HERC3: variants seen among roughly 807,000 people sequenced by gnomAD.
HERC3 encodes probable E3 ubiquitin-protein ligase HERC3.
Under a neutral mutation model 129.9 loss-of-function variants are expected in HERC3, and 58 were observed. That is an observed-to-expected ratio of 0.45 (90% CI 0.36 to 0.56). The LOEUF (loss-of-function observed/expected upper bound fraction) is 0.56, where lower values mean the gene tolerates loss of function less well. HERC3 is among the 20% of genes least tolerant of loss of function. HERC3 has a pLI of 0.00. For synonymous variants in HERC3, 430 were observed against 451.0 expected (o/e 0.95, Z 0.59); for missense variants, 835 against 1,244.2 (o/e 0.67, Z 4.95).
At position 88,689,311 on chromosome 4, in the gene HERC3, C is replaced by T. The variant is rs1233499185; in HGVS notation, c.2657+2012C>T. Among the ~76,000 whole-genome samples the T allele has an allele frequency of 6.1e-5, 9 of 147,886 alleles. No individual in the cohort carries two copies. The South Asian group carries it at 1.1e-3, about 18-fold the overall frequency. ...CTTGAGCTCAGAAGTTCAAGACCAG[C>T]GTGGGCAAGATAGCAAAACCAAGTC... On this transcript the variant is annotated intron_variant, in intron 23 of 25. Coordinates refer to ENST00000402738, the MANE Select transcript of HERC3 (RefSeq NM_014606.3).
chr4:88,588,791 GAAGTGAATGGTAACT>G (rs2149157667), upstream of HERC3, among the ~76,000 whole-genome samples: 1 of 152,362 alleles, frequency 6.6e-6, no homozygotes, highest in South Asian at 2.1e-4. Flanking sequence ...TGTATTTTAA[GAAGTGAATGGTAACT>G]AATGGAGGAA....
the HERC3 span, among the ~76,000 whole-genome samples, chr4:88,534,628 G>A: frequency 2.0e-5 from 3 of 151,946 alleles, no homozygotes; most frequent in African/African-American, 7.3e-5. Context: ...TGAAAGTTAT[G>A]AATGGAATTT....
At chr4:88,544,685 A>G in the HERC3 span, among the ~76,000 whole-genome samples, 1 of 152,376 alleles carries the variant, frequency 6.6e-6, no homozygotes. Context: ...TCCATCAATG[A>G]TAGACTGGAT....
intron 16 of HERC3, among the ~76,000 whole-genome samples, chr4:88,674,214 G>A (rs1731914785): frequency 1.3e-5 from 2 of 152,204 alleles, no homozygotes; most frequent in South Asian, 2.1e-4. Context: ...AGGGGTGCAG[G>A]GAGGCTCAAG....
chr4:88,613,449 A>G (rs1008970447), intron 3 of HERC3, among the ~76,000 whole-genome samples: 5 of 152,184 alleles, frequency 3.3e-5, no homozygotes, highest in South Asian at 4.1e-4. Flanking sequence ...CTGCTGTTTG[A>G]TAAATGAGGT....
chr4:88,675,514 A>G (rs1732065268), intron 16 of HERC3, among the ~76,000 whole-genome samples: 1 of 151,916 alleles, frequency 6.6e-6, no homozygotes, highest in African/African-American at 2.4e-5. Context: ...TTGATTTTTT[A>G]TTGTTTCTAT....
chr4:88,532,974 C>G, the HERC3 span, among the ~76,000 whole-genome samples: 9 of 152,312 alleles, frequency 5.9e-5, no homozygotes, highest in East Asian at 1.7e-3. Flanking sequence ...CTCACACGGT[C>G]ACCAGGTGAA....
chr4:88,651,596 C>T (rs1472365843), intron 4 of HERC3, among the ~76,000 whole-genome samples: 1 of 152,190 alleles, frequency 6.6e-6, no homozygotes, highest in Non-Finnish European at 1.5e-5. Flanking sequence ...CTCAAGGGTA[C>T]AATTTCTCTA....
chr4:88,631,202 C>T (rs893130879), intron 3 of HERC3, among the ~76,000 whole-genome samples: 10 of 152,188 alleles, frequency 6.6e-5, no homozygotes, highest in Admixed American at 1.3e-4. Flanking sequence ...TCACAATAAT[C>T]CCAGCACTTT....
At chr4:88,541,638 T>C in the HERC3 span, among the ~76,000 whole-genome samples, 39 of 152,328 alleles carry the variant, frequency 2.6e-4, 1 homozygote, top group South Asian at 7.9e-3. Flanking sequence ...GTCAACAGAA[T>C]ATACATTCTT....
the HERC3 span, among the ~76,000 whole-genome samples, chr4:88,560,539 A>G: frequency 6.6e-6 from 1 of 151,910 alleles, no homozygotes; most frequent in South Asian, 2.1e-4. Flanking sequence ...ATAGGCTTCT[A>G]TTTCTTTTTC....
the HERC3 span, among the ~76,000 whole-genome samples, chr4:88,586,583 T>C: frequency 2.6e-5 from 4 of 152,228 alleles, no homozygotes; most frequent in African/African-American, 7.2e-5. Context: ...GGTCTCGAAC[T>C]CCCAACCTCA....
chr4:88,681,371 C>T, intron 21 of HERC3, 46 bp downstream of exon 21: 4 of 1,529,584 alleles, frequency 2.6e-6, no homozygotes, highest in Non-Finnish European at 3.6e-6. Flanking sequence ...TTGTGGCTGC[C>T]TCTGGCATGA....
chr4:88,662,313 C>A, intron 10 of HERC3, 118 bp from the exon 11 acceptor site: 1 of 1,000,614 alleles, frequency 1.0e-6, no homozygotes, highest in Non-Finnish European at 1.5e-6. Flanking sequence ...CTGGGCGGCA[C>A]ACTGCAGCAT....
chr4:88,665,209 G>C (rs1730920333), intron 12 of HERC3, among the ~76,000 whole-genome samples: 1 of 152,148 alleles, frequency 6.6e-6, no homozygotes, highest in Non-Finnish European at 1.5e-5. Context: ...TACGGGAATT[G>C]GTTCACCTGA....
chr4:88,568,325 G>C, the HERC3 span, among the ~76,000 whole-genome samples: 1 of 152,152 alleles, frequency 6.6e-6, no homozygotes. Context: ...TCAGTTAGCA[G>C]GTGGTGAGTC....
intron 3 of HERC3, among the ~76,000 whole-genome samples, chr4:88,647,953 C>T (rs942716861): frequency 7.9e-5 from 12 of 152,042 alleles, no homozygotes; most frequent in African/African-American, 2.9e-4. Context: ...TACCTACCCT[C>T]TCCTCTTCCT....
Position 88,655,200 on chromosome 4 carries a change from T to A in HERC3, c.804T>A (p.Ala268=). The change falls in exon 8 of 26, where the codon GCT becomes GCA. Residue 268 remains alanine, a synonymous_variant. Coordinates refer to ENST00000402738, the MANE Select transcript of HERC3 (RefSeq NM_014606.3). ...GTGGAGGTGTGTTTACCTTTGGCGC[T>A]GGTTCCTGTGGGCAACTTGGACACG... ...TKSGGVFTFG[A]GSCGQLGHDS... 6.2e-7 allele frequency: 1 copy of A among 1,613,946 alleles called. No individual in the cohort carries two copies. The highest frequency in any genetic ancestry group is 8.5e-7 in the Non-Finnish European group (1 of 1,179,868).
intron 13 of HERC3, 96 bp downstream of exon 13, chr4:88,667,584 A>G (rs1193653011): frequency 1.4e-6 from 1 of 714,910 alleles, no homozygotes; most frequent in Non-Finnish European, 2.3e-6. Context: ...AAAAAGTGAA[A>G]GTCTCCAAAT....
Sources: gnomAD v4.1 joint callset for allele counts (sites outside exome capture counted in the v4.1 genomes callset) on GRCh38, gnomAD v4.1.1 for gene constraint, MANE v1.5 for transcripts, NCBI Gene and HGNC (gene_info 2026-07-23, HGNC 2026-07-21) for gene names.